The following VAV3 variants were observed in gnomAD, a reference collection of about 807,000 sequenced individuals.
VAV3 encodes vav guanine nucleotide exchange factor 3.
Under a neutral mutation model 131.2 loss-of-function variants are expected in VAV3, and 94 were observed. That is an observed-to-expected ratio of 0.72 (90% confidence interval 0.61 to 0.85). The LOEUF is 0.85. Among genes scored for constraint, VAV3 ranks in the 40% least tolerant of loss-of-function variants. The probability of loss-of-function intolerance (pLI) is 0.00; values close to 1 mark genes in which losing one functional copy is unlikely to be tolerated. For synonymous variants in VAV3, 349 were observed against 342.0 expected, an observed-to-expected ratio of 1.02 and a Z score of -0.22; for missense variants, 939 against 1,002.7, an observed-to-expected ratio of 0.94 and a Z score of 0.86.
At position 107,692,291 on chromosome 1, in the gene VAV3, TAGAA is replaced by T. The variant is rs752004018; in HGVS notation, c.1706-3889_1706-3886del. 2.6e-5 allele frequency among the ~76,000 whole-genome samples: 4 copies of T among 152,148 alleles called. No individual in the cohort carries two copies. The East Asian group carries it at 7.7e-4, about 29-fold the overall frequency. The stretch of plus-strand genomic sequence containing the variant: ...CAAACCATAAACTATAAATAATACT[TAGAA>T]AGAGGCTTTGATTTCAAGTCTTTTC... On this transcript the variant is annotated intron_variant, in intron 17 of 26. Transcript: ENST00000370056.
chr1:107,762,054 G>A (rs1664468445), intron 9 of VAV3, among the ~76,000 whole-genome samples: 1 of 150,866 alleles, frequency 6.6e-6, no homozygotes, highest in Non-Finnish European at 1.5e-5. Context: ...ACTGTTGGCG[G>A]TGTGACCTTG....
At chr1:107,888,342 T>G (rs1412905983) in intron 1 of VAV3, among the ~76,000 whole-genome samples, 27 of 152,200 alleles carry the variant, frequency 1.8e-4, no homozygotes, top group Admixed American at 1.8e-3. Context: ...GCAAAACACG[T>G]AGCGCTAGAC....
chr1:107,575,148 G>A (rs1204192577), intron 25 of VAV3, among the ~76,000 whole-genome samples: 6 of 152,042 alleles, frequency 3.9e-5, no homozygotes, highest in Non-Finnish European at 7.4e-5. Context: ...TTCATGGCAC[G>A]CTTTATATTA....
At chr1:107,688,658 G>T in intron 17 of VAV3, 1 of 920,412 alleles carries the variant, frequency 1.1e-6, no homozygotes, top group Non-Finnish European at 1.5e-6. Context: ...TTTTTCCATT[G>T]TTTATTAAGC....
intron 1 of VAV3, among the ~76,000 whole-genome samples, chr1:107,962,825 G>C (rs1489513983): frequency 6.6e-6 from 1 of 152,188 alleles, no homozygotes; most frequent in South Asian, 2.1e-4. Flanking sequence ...GTCATTAGCT[G>C]TCCTACTTAC....
intron 1 of VAV3, among the ~76,000 whole-genome samples, chr1:107,942,572 C>T (rs1041791986): frequency 1.3e-5 from 2 of 151,558 alleles, no homozygotes; most frequent in African/African-American, 4.9e-5. Flanking sequence ...GACTTAAGAT[C>T]TCATTTCTCC....
intron 2 of VAV3, among the ~76,000 whole-genome samples, chr1:107,829,135 A>C (rs1668136373): frequency 6.6e-6 from 1 of 152,232 alleles, no homozygotes; most frequent in Admixed American, 6.5e-5. Flanking sequence ...GATGTTAGTA[A>C]AATAAACTAA....
intron 1 of VAV3, among the ~76,000 whole-genome samples, chr1:107,916,230 T>G (rs1672614881): frequency 6.6e-6 from 1 of 152,164 alleles, no homozygotes; most frequent in Non-Finnish European, 1.5e-5. Flanking sequence ...CCTGGTAAGT[T>G]CAAGTGACAT....
chr1:107,704,436 C>T, intron 17 of VAV3, 114 bp downstream of exon 17: 3 of 718,894 alleles, frequency 4.2e-6, no homozygotes, highest in Non-Finnish European at 6.8e-6. Context: ...ATAATAGTTT[C>T]AAAAGCAGAT....
At chr1:107,710,178 C>A (rs954575404) in intron 15 of VAV3, among the ~76,000 whole-genome samples, 1 of 152,100 alleles carries the variant, frequency 6.6e-6, no homozygotes, top group African/African-American at 2.4e-5. Flanking sequence ...ATGATCATGA[C>A]CAATTACAGA....
chr1:107,612,373 T>C (rs1459441804), intron 21 of VAV3, among the ~76,000 whole-genome samples: 1 of 152,072 alleles, frequency 6.6e-6, no homozygotes, highest in Non-Finnish European at 1.5e-5. Flanking sequence ...TTTTAACATA[T>C]TCTTATTGTT....
chr1:107,640,688 T>A (rs776211926), intron 20 of VAV3, among the ~76,000 whole-genome samples: 4 of 152,182 alleles, frequency 2.6e-5, no homozygotes, highest in African/African-American at 7.2e-5. Context: ...GTTGCACTAA[T>A]GATCCAAGAA....
intron 1 of VAV3, among the ~76,000 whole-genome samples, chr1:107,900,872 T>C (rs1287096663): frequency 2.6e-5 from 4 of 152,152 alleles, no homozygotes; most frequent in Non-Finnish European, 4.4e-5. Flanking sequence ...TACAAGAAAA[T>C]AGTGTCCACA....
rs375667378 is a variant in VAV3, at chr1:107,728,600, C to CGTATACGTATATGTATATGTATAT, written c.1502+20367_1502+20368insATATACATATACATATACGTATAC. On this transcript the variant is annotated intron_variant, in intron 15 of 26. Transcript: ENST00000370056. Reference sequence around the variant, plus strand: ...GAGGACAGTCATATGTATACGTATACGTATATGTATATGTATATGTATATG... The same window carrying CGTATACGTATATGTATATGTATAT: ...GAGGACAGTCATATGTATACGTATACGTATACGTATATGTATATGTATATGTATATGTATATGTATATGTATATG... Among the ~76,000 whole-genome samples the CGTATACGTATATGTATATGTATAT allele has an allele frequency of 6.7e-3, 912 of 136,922 alleles. 3 individuals carry two copies. The highest frequency in any genetic ancestry group is 0.012 in the East Asian group (55 of 4,568). The allele number at this position is 136,922 out of a possible 152,430, so 89.8% of individuals were successfully genotyped here. A position where few individuals can be genotyped will look rare whatever the true frequency, so the allele number is the denominator to read the frequency against.
chr1:107,955,617 T>C (rs1674772237), intron 1 of VAV3, among the ~76,000 whole-genome samples: 1 of 151,960 alleles, frequency 6.6e-6, no homozygotes, highest in African/African-American at 2.4e-5. Flanking sequence ...GGGAAGACAA[T>C]ACAAAGATGA....
Position 107,751,129 on chromosome 1 carries a change from G to C in VAV3, c.1247C>G (p.Thr416Ser). The change falls in exon 13 of 27, where the codon ACC becomes AGC. Residue 416 changes from threonine to serine, a missense_variant. By Grantham distance (58) the Thr-to-Ser change is moderately conservative. Coordinates refer to ENST00000370056, the MANE Select transcript of VAV3 (RefSeq NM_006113.5). ...EIRITTLDKH[T>S]KQERHIFLFD... ...CTTCTTTTCTTACCTTTCTTGTTTG[G>C]TATGCTTGTCTAGAGTGGTTATTCG... 6.2e-7 allele frequency: 1 copy of C among 1,608,882 alleles called. No individual in the cohort carries two copies. Among genetic ancestry groups the C allele is most frequent in the Admixed American group, 1.7e-5 (1 of 59,018 alleles).
intron 19 of VAV3, among the ~76,000 whole-genome samples, chr1:107,652,614 CTCT>C (rs1203649873): frequency 6.6e-6 from 1 of 151,946 alleles, no homozygotes; most frequent in African/African-American, 2.4e-5. Context: ...TATCTATCTC[CTCT>C]TGTTTTCATA....
At chr1:107,929,788 G>C (rs1673335175) in intron 1 of VAV3, among the ~76,000 whole-genome samples, 1 of 152,086 alleles carries the variant, frequency 6.6e-6, no homozygotes, top group Admixed American at 6.6e-5. Context: ...AGCAACCTAC[G>C]TGCCCATCAA....
Position 107,768,412 on chromosome 1 carries a change from A to G in VAV3, c.717+29T>C, listed in dbSNP as rs759189140. ...AATGAAGATTTTATTGAAGTACACC[A>G]CAATTTTAGCTAGCATATTTTTACT... On this transcript the variant is annotated intron_variant, in intron 7 of 26. Coordinates refer to ENST00000370056, the MANE Select transcript of VAV3 (RefSeq NM_006113.5). 4 of 1,574,870 alleles carry G rather than the reference A, an allele frequency of 2.5e-6. No homozygotes were observed. The African/African-American group carries it at 5.4e-5, about 21-fold the overall frequency.
Sources: gnomAD v4.1 joint callset for allele counts (sites outside exome capture counted in the v4.1 genomes callset) on GRCh38, gnomAD v4.1.1 for gene constraint, MANE v1.5 for transcripts, NCBI Gene and HGNC (gene_info 2026-07-23, HGNC 2026-07-21) for gene names.